Variants in PIGU observed in about 807,000 individuals in gnomAD.
The protein encoded by PIGU is GPI-anchor transamidase component PIGU.
In PIGU, 24 loss-of-function variants were observed where a neutral mutation model predicts 49.9. That is an observed-to-expected ratio of 0.48 (90% CI 0.35 to 0.68). The LOEUF is 0.68. PIGU is among the 30% of genes least tolerant of loss of function. The pLI is 0.01. For synonymous variants in PIGU, 220 were observed against 205.7 expected, an observed-to-expected ratio of 1.07 and a Z score of -0.59; for missense variants, 490 against 532.6, an observed-to-expected ratio of 0.92 and a Z score of 0.79.
chr20:34,565,858 G>A (rs202180778), intron 11 of PIGU, among the ~76,000 whole-genome samples: 16 of 88,242 alleles, frequency 1.8e-4, no homozygotes, highest in African/African-American at 6.3e-4. Context: ...ACACACACAG[G>A]TGCACACATA....
intron 5 of PIGU, among the ~76,000 whole-genome samples, chr20:34,635,936 T>C (rs562535695): frequency 1.6e-4 from 24 of 151,882 alleles, no homozygotes; most frequent in African/African-American, 5.8e-4. Flanking sequence ...CTCACACCTG[T>C]AATCCCAGCA....
chr20:34,618,957 T>C lies in PIGU; in HGVS notation c.530-2818A>G, dbSNP rs1316971009. Among the ~76,000 whole-genome samples the C allele has an allele frequency of 2.6e-5, 4 of 152,276 alleles. No homozygotes were observed. The East Asian group carries it at 5.8e-4, about 22-fold the overall frequency. On this transcript the variant is annotated intron_variant, in intron 6 of 11. Coordinates refer to ENST00000217446, the MANE Select transcript of PIGU (RefSeq NM_080476.5). Reference sequence around the variant, plus strand: ...CAAAGTGGTCTGTATACTTGAAACATCTAAAAACTACCTTGGAGGACAGAC... The same window carrying C: ...CAAAGTGGTCTGTATACTTGAAACACCTAAAAACTACCTTGGAGGACAGAC...
intron 11 of PIGU, chr20:34,562,552 C>T (rs1048835179): frequency 1.7e-5 from 22 of 1,289,272 alleles, no homozygotes; most frequent in Non-Finnish European, 2.2e-5. Flanking sequence ...CATTCTATCA[C>T]CACAGAAGCC....
chr20:34,565,925 C>G (rs1407761353), intron 11 of PIGU, among the ~76,000 whole-genome samples: 3 of 151,706 alleles, frequency 2.0e-5, no homozygotes, highest in African/African-American at 7.3e-5. Context: ...GCTCGCACTG[C>G]TCAGACACGC....
chr20:34,563,474 A>G (rs1184950090), intron 11 of PIGU, among the ~76,000 whole-genome samples: 1 of 152,214 alleles, frequency 6.6e-6, no homozygotes, highest in East Asian at 1.9e-4. Flanking sequence ...GGCTGAAGGC[A>G]GGAGAATGGT....
chr20:34,616,275 C>T, intron 6 of PIGU, 136 bp from the exon 7 acceptor site: 1 of 926,878 alleles, frequency 1.1e-6, no homozygotes. Context: ...ACACAAGGTG[C>T]TATGCAAATT....
chr20:34,564,053 C>T (rs1202516296), intron 11 of PIGU, among the ~76,000 whole-genome samples: 2 of 152,136 alleles, frequency 1.3e-5, no homozygotes, highest in Non-Finnish European at 2.9e-5. Context: ...CTGTCAAGGT[C>T]ATGAGAAGTC....
At chr20:34,591,279 A>T (rs1279905614) in intron 7 of PIGU, among the ~76,000 whole-genome samples, 5 of 152,190 alleles carry the variant, frequency 3.3e-5, no homozygotes, top group African/African-American at 1.2e-4. Context: ...AAATATATAA[A>T]ACAAAAGTGG....
intron 10 of PIGU, chr20:34,579,530 T>C (rs1232874252): frequency 1.3e-5 from 2 of 152,354 alleles, no homozygotes; most frequent in South Asian, 2.1e-4. Flanking sequence ...ATCCCACTCA[T>C]AGGTCCTAAG....
chr20:34,671,550 C>T (rs1987306608), intron 1 of PIGU, among the ~76,000 whole-genome samples: 1 of 152,156 alleles, frequency 6.6e-6, no homozygotes, highest in Admixed American at 6.6e-5. Context: ...GCGTTAGCCA[C>T]CGTGCCCAGC....
intron 8 of PIGU, among the ~76,000 whole-genome samples, chr20:34,587,021 A>G (rs1039826369): frequency 1.3e-5 from 2 of 152,204 alleles, no homozygotes; most frequent in African/African-American, 4.8e-5. Context: ...ATAATAGAAC[A>G]CTAGGCATAA....
In PIGU at chr20:34,654,261, G is replaced by A. The variant is rs1986638429; in HGVS notation, c.195+2919C>T. 1.8e-5 allele frequency among the ~76,000 whole-genome samples: 2 copies of A among 110,260 alleles called. 1 individual carries two copies. The highest frequency in any genetic ancestry group is 6.6e-5 in the African/African-American group (2 of 30,166). 72.3% of individuals were successfully genotyped at this position (110,260 alleles called of 152,430 possible). ...GTGGATCACCTGAGGTCAGGAGTTCGAGAGCAGCCTGGCCAAGGTGGCAAA... is the reference window on the plus strand; with the variant it reads ...GTGGATCACCTGAGGTCAGGAGTTCAAGAGCAGCCTGGCCAAGGTGGCAAA... On this transcript the variant is annotated intron_variant, in intron 2 of 11. Transcript: ENST00000217446.
At chr20:34,648,814 G>A (rs530666271) in intron 2 of PIGU, among the ~76,000 whole-genome samples, 17 of 152,088 alleles carry the variant, frequency 1.1e-4, no homozygotes, top group African/African-American at 3.9e-4. Context: ...CTCTCAAAGT[G>A]TTAGGATTAC....
chr20:34,641,388 A>G (rs1470223954), intron 4 of PIGU, among the ~76,000 whole-genome samples: 1 of 152,082 alleles, frequency 6.6e-6, no homozygotes, highest in Non-Finnish European at 1.5e-5. Flanking sequence ...ACAACCCTCT[A>G]ATCATATTAA....
intron 6 of PIGU, among the ~76,000 whole-genome samples, chr20:34,628,497 T>C (rs1600641517): frequency 1.3e-5 from 2 of 152,298 alleles, no homozygotes; most frequent in Middle Eastern, 3.4e-3. Context: ...AAATATTTAA[T>C]GATACATACA....
At chr20:34,630,623 A>G (rs1236222517) in intron 6 of PIGU, among the ~76,000 whole-genome samples, 2 of 152,112 alleles carry the variant, frequency 1.3e-5, no homozygotes, top group Non-Finnish European at 2.9e-5. Context: ...TCTCCAGTCA[A>G]TATGTTAGTG....
chr20:34,572,789 G>A (rs997370127), intron 11 of PIGU, among the ~76,000 whole-genome samples: 9 of 152,172 alleles, frequency 5.9e-5, no homozygotes, highest in African/African-American at 2.2e-4. Flanking sequence ...ATCATTAAGT[G>A]AAAAACAGCA....
intron 2 of PIGU, among the ~76,000 whole-genome samples, chr20:34,650,564 C>T (rs528148862): frequency 2.6e-5 from 4 of 152,066 alleles, no homozygotes; most frequent in Admixed American, 6.6e-5. Flanking sequence ...CCACTGCATC[C>T]GGCTGATCAC....
Position 34,647,106 on chromosome 20 carries a change from G to A in PIGU, c.196-1772C>T, listed in dbSNP as rs914527412. Among the ~76,000 whole-genome samples the A allele has an allele frequency of 2.5e-4, 38 of 152,246 alleles. No homozygotes were observed. The East Asian group carries it at 4.1e-3, about 16-fold the overall frequency. On this transcript the variant is annotated intron_variant, in intron 2 of 11. Coordinates refer to ENST00000217446, the MANE Select transcript of PIGU (RefSeq NM_080476.5). ...CAACCTCCGCCTCCCGGGTTCAAGCGATTCTCCTGCCTCAGCCACCACGCT... is the reference window on the plus strand; with the variant it reads ...CAACCTCCGCCTCCCGGGTTCAAGCAATTCTCCTGCCTCAGCCACCACGCT...
Sources: allele counts gnomAD v4.1 joint callset (sites outside exome capture counted in the v4.1 genomes callset), GRCh38; gene constraint gnomAD v4.1.1; transcripts MANE v1.5; gene names NCBI Gene and HGNC (gene_info 2026-07-23, HGNC 2026-07-21).